The following SPATA21 variants were observed in gnomAD, a reference collection of about 807,000 sequenced individuals.
SPATA21 encodes the protein spermatogenesis-associated protein 21.
SPATA21 carries 47 observed loss-of-function variants against 54.8 expected under a neutral mutation model. The observed-to-expected ratio is 0.86, with a 90% confidence interval of 0.68 to 1.09. The LOEUF (loss-of-function observed/expected upper bound fraction) is 1.09. SPATA21 is among the 50% of genes least tolerant of loss of function. The probability of loss-of-function intolerance (pLI) is 0.00; values close to 1 mark genes in which losing one functional copy is unlikely to be tolerated. For synonymous variants in SPATA21, 245 were observed against 235.3 expected (o/e 1.04, Z -0.38); for missense variants, 599 against 596.4 (o/e 1.00, Z -0.05).
At position 16,409,264 on chromosome 1, in the gene SPATA21, G is replaced by C; in HGVS notation, c.588-61C>G. 6.3e-7 allele frequency: 1 copy of C among 1,592,920 alleles called. No homozygotes were observed. Among genetic ancestry groups the C allele is most frequent in the Non-Finnish European group, 8.6e-7 (1 of 1,163,946 alleles). ...CGGCCGCCCACCCTGCTGATAGCTA[G>C]GGGAGGGGTTGGGGGAGCCTGCAGG... is the stretch of plus-strand genomic sequence containing the variant. On this transcript the variant is annotated intron_variant, in intron 6 of 12. Transcript: ENST00000335496. The surrounding 1 kb of genome is among the most constrained non-coding windows in gnomAD (Gnocchi z 4.1).
chr1:16,425,151 T>C (rs1297518440), intron 3 of SPATA21: 13 of 458,850 alleles, frequency 2.8e-5, no homozygotes, highest in Non-Finnish European at 5.2e-5. Flanking sequence ...CCTCAGGTGA[T>C]CTGCCTCCTT....
At chr1:16,408,588 C>T (rs1159957542) in intron 7 of SPATA21, 5 of 958,480 alleles carry the variant, frequency 5.2e-6, no homozygotes, top group Admixed American at 6.1e-5. Flanking sequence ...AGACCTAGCA[C>T]GAGGCTGGGC....
chr1:16,422,265 C>A (rs576944423), intron 3 of SPATA21: 24 of 1,331,162 alleles, frequency 1.8e-5, no homozygotes, highest in East Asian at 3.0e-5. Flanking sequence ...ATGCTCCAGG[C>A]GAACTGGAGA....
In SPATA21 at chr1:16,421,380, C is replaced by T. The variant is rs1327670409; in HGVS notation, c.144+129G>A. 1 of 906,310 alleles carries T rather than the reference C, an allele frequency of 1.1e-6. No individual in the cohort carries two copies. The highest frequency in any genetic ancestry group is 1.7e-5 in the South Asian group (1 of 59,498). The allele number at this position is 906,310 out of a possible 1,614,324, so 56.1% of individuals were successfully genotyped here. A position where few individuals can be genotyped will look rare whatever the true frequency, so the allele number is the denominator to read the frequency against. The stretch of plus-strand genomic sequence containing the variant: ...GTGCACTTTAACACACAGCCACACA[C>T]ACCTTCCTTGGTTTGACTCCAAATA... On this transcript the variant is annotated intron_variant, in intron 5 of 12. Coordinates refer to ENST00000335496, the MANE Select transcript of SPATA21 (RefSeq NM_198546.1). This position sits in a 1 kb window ranked among gnomAD's most constrained non-coding sequence, Gnocchi z 5.2.
chr1:16,405,131 G>GT (rs1405251428), intron 7 of SPATA21, 27 bp from the exon 8 acceptor site: 11 of 1,585,042 alleles, frequency 6.9e-6, no homozygotes, highest in African/African-American at 6.8e-5. Flanking sequence ...GTTATGTGGA[G>GT]TGGGGGCATT....
intron 1 of SPATA21, among the ~76,000 whole-genome samples, 172 bp downstream of exon 1, chr1:16,436,956 T>C (rs910278757): frequency 1.3e-5 from 2 of 152,192 alleles, no homozygotes; most frequent in Non-Finnish European, 2.9e-5. Flanking sequence ...GGGTATTGAG[T>C]GCCCCTTTTA....
At chr1:16,433,339 T>C (rs2086507338) in intron 1 of SPATA21, among the ~76,000 whole-genome samples, 1 of 152,242 alleles carries the variant, frequency 6.6e-6, no homozygotes, top group South Asian at 2.1e-4. Context: ...CTCCCACCCC[T>C]GGTGCAGCTC....
chr1:16,409,522 G>A lies in SPATA21; in HGVS notation c.587+79C>T. On this transcript the variant is annotated intron_variant, in intron 6 of 12. Transcript: ENST00000335496. The surrounding 1 kb of genome is among the most constrained non-coding windows in gnomAD (Gnocchi z 4.1). ...ACACGAGGGAACAGGCAGGTGCAGG[G>A]ACAGGGACCTGCATCCGGGACAAGG... is the stretch of plus-strand genomic sequence containing the variant. 7.0e-7 allele frequency: 1 copy of A among 1,431,620 alleles called. No homozygotes were observed. Among genetic ancestry groups the A allele is most frequent in the South Asian group, 1.3e-5 (1 of 77,012 alleles). The allele number at this position is 1,431,620 out of a possible 1,614,324, so 88.7% of individuals were successfully genotyped here. A position where few individuals can be genotyped will look rare whatever the true frequency, so the allele number is the denominator to read the frequency against.
chr1:16,404,957 T>C lies in SPATA21; in HGVS notation c.811+10A>G, dbSNP rs761463334. On this transcript the variant is annotated intron_variant, in intron 8 of 12. Coordinates refer to ENST00000335496, the MANE Select transcript of SPATA21 (RefSeq NM_198546.1). Reference sequence around the variant, plus strand: ...GCCTGGGATGCAGAGTGGAGCCCTCTGCCACTCACCATTGACATCAGCACT... The same window carrying C: ...GCCTGGGATGCAGAGTGGAGCCCTCCGCCACTCACCATTGACATCAGCACT... 7 of 1,562,070 alleles carry C rather than the reference T, an allele frequency of 4.5e-6. No individual in the cohort carries two copies. Among genetic ancestry groups the C allele is most frequent in the Non-Finnish European group, 6.0e-6 (7 of 1,159,856 alleles).
intron 5 of SPATA21, among the ~76,000 whole-genome samples, chr1:16,414,332 G>A (rs531404562): frequency 6.6e-6 from 1 of 152,208 alleles, no homozygotes; most frequent in African/African-American, 2.4e-5. Flanking sequence ...GCCACTCAAA[G>A]TGTTGGGATT....
intron 5 of SPATA21, among the ~76,000 whole-genome samples, chr1:16,413,988 C>T (rs867076512): frequency 1.2e-4 from 18 of 151,936 alleles, no homozygotes; most frequent in Middle Eastern, 3.2e-3. Flanking sequence ...AGTTTCTCCA[C>T]ATCCTTGTCA....
rs1438138301 is a variant in SPATA21, at chr1:16,405,516, CTG to C, written c.674-414_674-413del. ...ATGAAAAAAAAAAAAAAAAAAAAAA[CTG>C]GGCATGGTGGTGTGCACCTGTAGTC... On this transcript the variant is annotated intron_variant, in intron 7 of 12. Coordinates refer to ENST00000335496, the MANE Select transcript of SPATA21 (RefSeq NM_198546.1). Among the ~76,000 whole-genome samples, 6 of 115,884 alleles carry C rather than the reference CTG, an allele frequency of 5.2e-5. No homozygotes were observed. In the East Asian group the frequency reaches 1.2e-3, roughly 24 times the overall value. 76.0% of individuals were successfully genotyped at this position (115,884 alleles called of 152,430 possible).
At chr1:16,435,613 G>A (rs932628452) in intron 1 of SPATA21, among the ~76,000 whole-genome samples, 1 of 150,094 alleles carries the variant, frequency 6.7e-6, no homozygotes, top group African/African-American at 2.4e-5. Flanking sequence ...CACCATGCCC[G>A]GCCCCCCCCT....
At chr1:16,435,536 C>G (rs1451888044) in intron 1 of SPATA21, among the ~76,000 whole-genome samples, 1 of 151,854 alleles carries the variant, frequency 6.6e-6, no homozygotes, top group African/African-American at 2.4e-5. Flanking sequence ...AGGCTGGTCT[C>G]AAACCCCTGA....
Position 16,421,983 on chromosome 1 carries a change from A to T in SPATA21, c.35-12T>A. ...GACTGTCTTTTCCTCTGGAGCCACG[A>T]CGGACATTGGGGGCATTGCTTCCTG... On this transcript the variant is annotated splice_polypyrimidine_tract_variant and intron_variant, in intron 3 of 12. Coordinates refer to ENST00000335496, the MANE Select transcript of SPATA21 (RefSeq NM_198546.1). The surrounding 1 kb of genome is among the most constrained non-coding windows in gnomAD (Gnocchi z 5.2). The T allele has an allele frequency of 6.2e-7, 1 of 1,614,182 alleles. No individual in the cohort carries two copies. The highest frequency in any genetic ancestry group is 8.5e-7 in the Non-Finnish European group (1 of 1,180,032).
At chr1:16,425,828 C>T (rs528922839) in intron 3 of SPATA21, 64 of 1,060,760 alleles carry the variant, frequency 6.0e-5, no homozygotes, top group South Asian at 1.5e-4. Context: ...GCATAGCTAA[C>T]GCCTGGAAGG....
intron 10 of SPATA21, among the ~76,000 whole-genome samples, chr1:16,402,131 A>C (rs2085466034): frequency 6.6e-6 from 1 of 151,810 alleles, no homozygotes; most frequent in African/African-American, 2.4e-5. Flanking sequence ...ATTCTCTGAC[A>C]CACGTGCAAC....
At chr1:16,433,770 G>T (rs2086518835) in intron 1 of SPATA21, among the ~76,000 whole-genome samples, 1 of 152,176 alleles carries the variant, frequency 6.6e-6, no homozygotes, top group Non-Finnish European at 1.5e-5. Flanking sequence ...TCCAAGGGTA[G>T]AACTGGGAGA....
intron 2 of SPATA21, among the ~76,000 whole-genome samples, chr1:16,432,114 C>CTTTTTT (rs35240103): frequency 5.6e-4 from 74 of 133,096 alleles, no homozygotes; most frequent in African/African-American, 7.5e-4. Context: ...TCTTCTTCTT[C>CTTTTTT]TTTTTTTTTT....
Sources: allele counts gnomAD v4.1 joint callset (sites outside exome capture counted in the v4.1 genomes callset), GRCh38; gene constraint gnomAD v4.1.1; non-coding constraint Gnocchi (gnomAD v3.1); transcripts MANE v1.5; gene names NCBI Gene and HGNC (gene_info 2026-07-23, HGNC 2026-07-21).